The following JAKMIP1 variants were observed in gnomAD, a reference collection of about 807,000 sequenced individuals.
The protein encoded by JAKMIP1 is janus kinase and microtubule-interacting protein 1.
A neutral mutation model predicts 113.0 loss-of-function variants in JAKMIP1; 33 were observed. The observed-to-expected ratio is 0.29, with a 90% CI of 0.22 to 0.39. The LOEUF is 0.39. Ranked by LOEUF, JAKMIP1 falls within the 10% of genes least tolerant of loss-of-function variation. JAKMIP1 has a pLI of 1.00. For missense variants in JAKMIP1, 813 were observed against 1,080.5 expected, an observed-to-expected ratio of 0.75 and a Z score of 3.47; for synonymous variants, 480 against 459.9, an observed-to-expected ratio of 1.04 and a Z score of -0.56.
Position 6,094,037 on chromosome 4 carries a change from G to C in JAKMIP1, c.625-8408C>G, listed in dbSNP as rs759528314. Among the ~76,000 whole-genome samples, 3 of 152,036 alleles carry C rather than the reference G, an allele frequency of 2.0e-5. No homozygotes were observed. The highest frequency in any genetic ancestry group is 4.8e-5 in the African/African-American group (2 of 41,388). On this transcript the variant is annotated intron_variant, in intron 3 of 20. Coordinates refer to ENST00000409021, the MANE Select transcript of JAKMIP1 (RefSeq NM_001099433.2). The surrounding 1 kb of genome is among the most constrained non-coding windows in gnomAD (Gnocchi z 4.2). The stretch of plus-strand genomic sequence containing the variant: ...GTCACCTGTCACCCCAGTAGACTGC[G>C]AGCTCCCTGCAGATGGCCAGGCAGG...
chr4:6,049,733 TAAAAAC>T lies in JAKMIP1; in HGVS notation c.1962+80_1962+85del. The T allele has an allele frequency of 9.7e-7, 1 of 1,028,600 alleles. No individual in the cohort carries two copies. The highest frequency in any genetic ancestry group is 1.5e-6 in the Non-Finnish European group (1 of 665,760). 63.7% of individuals were successfully genotyped at this position (1,028,600 alleles called of 1,614,324 possible). A position where few individuals can be genotyped will look rare whatever the true frequency, so the allele number is the denominator to read the frequency against. The stretch of plus-strand genomic sequence containing the variant: ...TAGATCTCTTACATCAGAGAGAAAT[TAAAAAC>T]AAAACAAAACAAAAGTCACACAGAA... On this transcript the variant is annotated intron_variant, in intron 15 of 20. Transcript: ENST00000409021. The surrounding 1 kb of genome is among the most constrained non-coding windows in gnomAD (Gnocchi z 7.0).
intron 1 of JAKMIP1, among the ~76,000 whole-genome samples, chr4:6,118,779 C>G (rs963823646): frequency 1.3e-5 from 2 of 152,098 alleles, no homozygotes; most frequent in African/African-American, 4.8e-5. Flanking sequence ...CAGCTTCTGG[C>G]CAATGAGGGC....
intron 1 of JAKMIP1, among the ~76,000 whole-genome samples, chr4:6,123,131 T>G (rs1291697215): frequency 1.3e-5 from 2 of 152,220 alleles, no homozygotes; most frequent in African/African-American, 2.4e-5. Context: ...ATGCTACTAG[T>G]TTGCAACATA....
chr4:6,178,828 C>A lies in JAKMIP1; in HGVS notation c.-148+21425G>T, dbSNP rs1186495859. Among the ~76,000 whole-genome samples the A allele has an allele frequency of 6.6e-6, 1 of 152,220 alleles. No homozygotes were observed. Among genetic ancestry groups the A allele is most frequent in the South Asian group, 2.1e-4 (1 of 4,834 alleles). ...ACCTCATCCCCACACAAACCTCCCC[C>A]ATCTCCCAACCTCAGAGCACCTCGT... On this transcript the variant is annotated intron_variant, in intron 1 of 20. Coordinates refer to ENST00000409021, the MANE Select transcript of JAKMIP1 (RefSeq NM_001099433.2). The surrounding 1 kb of genome is among the most constrained non-coding windows in gnomAD (Gnocchi z 5.5).
intron 1 of JAKMIP1, among the ~76,000 whole-genome samples, chr4:6,182,413 A>AG: frequency 9.8e-6 from 1 of 101,712 alleles, no homozygotes; most frequent in Admixed American, 9.2e-5. Context: ...TGTCTCAGAA[A>AG]AAAAAAAAAA....
rs534197143 is a variant in JAKMIP1 at position 6,044,014 on chromosome 4, G to T, written c.2029-1787C>A. Among the ~76,000 whole-genome samples the T allele has an allele frequency of 6.6e-6, 1 of 151,948 alleles. No homozygotes were observed. The highest frequency in any genetic ancestry group is 2.4e-5 in the African/African-American group (1 of 41,440). On this transcript the variant is annotated intron_variant, in intron 16 of 20. Coordinates refer to ENST00000409021, the MANE Select transcript of JAKMIP1 (RefSeq NM_001099433.2). This position sits in a 1 kb window ranked among gnomAD's most constrained non-coding sequence, Gnocchi z 4.4. ...CCATGTGCTGTCCCTACCTCTCCTG[G>T]CCCCAGCCTCAGCCCCAGGCCTTTA...
At chr4:6,043,070 T>C (rs1373777309) in intron 16 of JAKMIP1, among the ~76,000 whole-genome samples, 1 of 151,842 alleles carries the variant, frequency 6.6e-6, no homozygotes, top group Non-Finnish European at 1.5e-5. Flanking sequence ...GGCTGCCCTG[T>C]GGGGGAGGGC....
rs1264872282 is a variant in JAKMIP1 at position 6,135,819 on chromosome 4, C to T, written c.-147-22822G>A. Among the ~76,000 whole-genome samples, 1 of 151,616 alleles carries T rather than the reference C, an allele frequency of 6.6e-6. No individual in the cohort carries two copies. The highest frequency in any genetic ancestry group is 6.6e-5 in the Admixed American group (1 of 15,214). On this transcript the variant is annotated intron_variant, in intron 1 of 20. Transcript: ENST00000409021. This position sits in a 1 kb window ranked among gnomAD's most constrained non-coding sequence, Gnocchi z 4.9. Reference sequence around the variant, plus strand: ...CTGCCCAGCACAATGCTGGCTCACACAGAACTTCTTACTAACAGTTTCAGA... The same window carrying T: ...CTGCCCAGCACAATGCTGGCTCACATAGAACTTCTTACTAACAGTTTCAGA...
chr4:6,075,428 T>G (rs982290291), intron 8 of JAKMIP1, among the ~76,000 whole-genome samples: 5 of 152,182 alleles, frequency 3.3e-5, no homozygotes, highest in African/African-American at 1.2e-4. Flanking sequence ...AATCCAGCCC[T>G]GCACAATGCC....
At chr4:6,114,238 C>T (rs1365580497) in intron 1 of JAKMIP1, among the ~76,000 whole-genome samples, 1 of 152,104 alleles carries the variant, frequency 6.6e-6, no homozygotes, top group Non-Finnish European at 1.5e-5. Context: ...ACAAAATTGG[C>T]AAGGAAGGCC....
At chr4:6,171,891 A>T (rs1376561217) in intron 1 of JAKMIP1, among the ~76,000 whole-genome samples, 1 of 152,214 alleles carries the variant, frequency 6.6e-6, no homozygotes, top group Non-Finnish European at 1.5e-5. Flanking sequence ...CCTGTTTCAA[A>T]CCTGGTGATG....
intron 1 of JAKMIP1, among the ~76,000 whole-genome samples, chr4:6,163,409 G>T (rs1336845731): frequency 6.6e-6 from 1 of 152,174 alleles, no homozygotes; most frequent in Non-Finnish European, 1.5e-5. Flanking sequence ...CATGAACCAT[G>T]CCTATATAAT....
chr4:6,105,346 G>T (rs1037329868), intron 3 of JAKMIP1, 127 bp downstream of exon 3: 1 of 888,904 alleles, frequency 1.1e-6, no homozygotes. Context: ...CGGGAGGGAG[G>T]TTGCTGGGGC....
chr4:6,073,697 T>C (rs537822892), intron 8 of JAKMIP1, among the ~76,000 whole-genome samples: 1 of 152,336 alleles, frequency 6.6e-6, no homozygotes, highest in Non-Finnish European at 1.5e-5. Flanking sequence ...GATATAATGT[T>C]CATTTTAAGA....
chr4:6,052,927 C>A (rs1485729799), intron 13 of JAKMIP1, among the ~76,000 whole-genome samples: 2 of 152,190 alleles, frequency 1.3e-5, no homozygotes, highest in Non-Finnish European at 2.9e-5. Flanking sequence ...GGCCACAGGT[C>A]CCTGCCCACA....
At chr4:6,078,814 G>T in intron 8 of JAKMIP1, 125 bp downstream of exon 8, 1 of 804,950 alleles carries the variant, frequency 1.2e-6, no homozygotes, top group Non-Finnish European at 2.1e-6. Flanking sequence ...TCATCATCAG[G>T]CATGCAGAGA....
rs80063058 is a variant in JAKMIP1, at chr4:6,092,150, A to G, written c.625-6521T>C. On this transcript the variant is annotated intron_variant, in intron 3 of 20. Transcript: ENST00000409021. ...CCCAGCAACACCCTCAGTGCCTTTC[A>G]CTGGGTGTCCCGCCCCCTCCCTCCC... Among the ~76,000 whole-genome samples, 325 of 152,226 alleles carry G rather than the reference A, an allele frequency of 2.1e-3. 11 individuals are homozygous for G. The East Asian group carries it at 0.057, about 27-fold the overall frequency.
At position 6,173,697 on chromosome 4, in the gene JAKMIP1, G is replaced by A. The variant is rs73200261; in HGVS notation, c.-148+26556C>T. Among the ~76,000 whole-genome samples, 1,357 of 152,024 alleles carry A rather than the reference G, an allele frequency of 8.9e-3. 14 individuals are homozygous for A. Among genetic ancestry groups the A allele is most frequent in the Non-Finnish European group, 0.016 (1,072 of 67,992 alleles). ...AGATGTGTGTATTTCTATCCTTGTG[G>A]GCCATTTGACAGTAAGCTGCAGACA... On this transcript the variant is annotated intron_variant, in intron 1 of 20. Transcript: ENST00000409021.
In JAKMIP1 at chr4:6,158,632, C is replaced by T. The variant is rs777773527; in HGVS notation, c.-148+41621G>A. ...TTTCTCCACCCCCCACCCCCACCAG[C>T]CCCAGCTAGTAGTCATCATTTCCAC... On this transcript the variant is annotated intron_variant, in intron 1 of 20. Transcript: ENST00000409021. The surrounding 1 kb of genome is among the most constrained non-coding windows in gnomAD (Gnocchi z 5.3). Among the ~76,000 whole-genome samples the T allele has an allele frequency of 6.6e-6, 1 of 150,718 alleles. No homozygotes were observed. Among genetic ancestry groups the T allele is most frequent in the Non-Finnish European group, 1.5e-5 (1 of 67,998 alleles).
Sources: gnomAD v4.1 joint callset for allele counts (sites outside exome capture counted in the v4.1 genomes callset) on GRCh38, gnomAD v4.1.1 for gene constraint, Gnocchi (gnomAD v3.1) non-coding constraint, MANE v1.5 for transcripts, NCBI Gene and HGNC (gene_info 2026-07-23, HGNC 2026-07-21) for gene names.